The following ERRFI1 variants were observed in gnomAD, a reference collection of about 807,000 sequenced individuals.
The protein encoded by ERRFI1 is mitogen-inducible gene 6 protein.
ERRFI1 carries 12 observed loss-of-function variants against 14.6 expected under a neutral mutation model. The observed-to-expected ratio is 0.82, with a 90% CI of 0.53 to 1.33. ERRFI1 has a LOEUF of 1.33. Ranked by LOEUF, ERRFI1 falls within the 40% of genes most tolerant of loss-of-function variation. The pLI is 0.00. For missense variants in ERRFI1, 482 were observed against 572.1 expected (o/e 0.84, Z 1.61); for synonymous variants, 202 against 209.9 (o/e 0.96, Z 0.32).
Position 8,013,139 on chromosome 1 carries a change from A to T in ERRFI1, c.*71T>A. The T allele has an allele frequency of 7.6e-7, 1 of 1,322,472 alleles. No homozygotes were observed. The highest frequency in any genetic ancestry group is 1.0e-6 in the Non-Finnish European group (1 of 958,796). The allele number at this position is 1,322,472 out of a possible 1,614,324, so 81.9% of individuals were successfully genotyped here. A position where few individuals can be genotyped will look rare whatever the true frequency, so the allele number is the denominator to read the frequency against. On this transcript the variant is annotated 3_prime_UTR_variant, in exon 4 of 4. Coordinates refer to ENST00000377482, the MANE Select transcript of ERRFI1 (RefSeq NM_018948.4). The surrounding 1 kb of genome is among the most constrained non-coding windows in gnomAD (Gnocchi z 4.3). ...TGCAATCTAAGGGATTTTTCTCTGCACTTCAATCAAACTGGAAAATTGAGA... is the reference window on the plus strand; with the variant it reads ...TGCAATCTAAGGGATTTTTCTCTGCTCTTCAATCAAACTGGAAAATTGAGA...
In ERRFI1 at chr1:8,015,750, G is replaced by A. The variant is rs1344502913; in HGVS notation, c.-73-58C>T. Reference sequence around the variant, plus strand: ...AACAATTCAGAAATACCTCCATTAGGACAGTCTAAATTACAGCAAAGCTAA... The same window carrying A: ...AACAATTCAGAAATACCTCCATTAGAACAGTCTAAATTACAGCAAAGCTAA... On this transcript the variant is annotated intron_variant, in intron 1 of 3. Transcript: ENST00000377482. The A allele has an allele frequency of 3.5e-6, 4 of 1,151,270 alleles. No individual in the cohort carries two copies. In the East Asian group the frequency reaches 7.2e-5, roughly 21 times the overall value. The allele number at this position is 1,151,270 out of a possible 1,614,324, so 71.3% of individuals were successfully genotyped here.
intron 1 of ERRFI1, among the ~76,000 whole-genome samples, chr1:8,018,343 C>G (rs1641216739): frequency 8.5e-6 from 1 of 117,038 alleles, no homozygotes; most frequent in Admixed American, 1.3e-4. Context: ...TAAAAACCTT[C>G]TAGTATTCAG....
chr1:8,023,502 C>T (rs894399376), intron 1 of ERRFI1, among the ~76,000 whole-genome samples: 6 of 152,146 alleles, frequency 3.9e-5, no homozygotes, highest in African/African-American at 1.4e-4. Flanking sequence ...TGGTCTCATA[C>T]TCTTGGGCTC....
rs141055385 is a variant in ERRFI1, at chr1:8,022,269, C to T, written c.-74+3889G>A. The stretch of plus-strand genomic sequence containing the variant: ...CATATAACACAAGTCTGTTTTTACT[C>T]GTAATAAGCGGTTACTACATATACC... On this transcript the variant is annotated intron_variant, in intron 1 of 3. Transcript: ENST00000377482. 3.4e-4 allele frequency among the ~76,000 whole-genome samples: 52 copies of T among 152,292 alleles called. No homozygotes were observed. The Middle Eastern group carries it at 0.014, about 40-fold the overall frequency.
intron 1 of ERRFI1, among the ~76,000 whole-genome samples, chr1:8,020,552 A>ATTTTTTT (rs36053481): frequency 1.5e-5 from 2 of 134,176 alleles, no homozygotes; most frequent in African/African-American, 5.6e-5. Context: ...AAAAACACCA[A>ATTTTTTT]TTTTTTTTTT....
intron 1 of ERRFI1, among the ~76,000 whole-genome samples, chr1:8,016,905 T>C (rs1641182971): frequency 6.6e-6 from 1 of 151,616 alleles, no homozygotes; most frequent in Non-Finnish European, 1.5e-5. Flanking sequence ...ACACAGGTTT[T>C]TTTTTTTGTT....
At chr1:8,014,445 C>T (rs1293196717) in intron 3 of ERRFI1, 49 bp from the exon 4 acceptor site, 3 of 1,485,538 alleles carry the variant, frequency 2.0e-6, no homozygotes, top group African/African-American at 1.4e-5. Context: ...CCTCTCTCCA[C>T]CTGTGTGAGG....
rs746627277 is a variant in ERRFI1 at position 8,013,583 on chromosome 1, G to C, written c.1016C>G (p.Pro339Arg). Reference protein sequence around the residue: ...NSRTPSPKSLPSYLNGVMPPT... With the variant: ...NSRTPSPKSLRSYLNGVMPPT... ...GGGCATGACCCCATTGAGGTAAGAC[G>C]GAAGGCTTTTGGGACTCGGTGTGCG... The change falls in exon 4 of 4, where the codon CCG (proline) becomes CGG (arginine). Residue 339 changes from proline to arginine, a missense_variant. Transcript: ENST00000377482. The surrounding 1 kb of genome is among the most constrained non-coding windows in gnomAD (Gnocchi z 4.3). The C allele has an allele frequency of 2.5e-6, 4 of 1,614,142 alleles. No homozygotes were observed. Among genetic ancestry groups the C allele is most frequent in the Admixed American group, 3.3e-5 (2 of 60,020 alleles).
At chr1:8,014,531 A>C (rs1045603534) in intron 3 of ERRFI1, 135 bp from the exon 4 acceptor site, 1 of 760,310 alleles carries the variant, frequency 1.3e-6, no homozygotes, top group Non-Finnish European at 2.1e-6. Flanking sequence ...CACCCCGAGA[A>C]CACCCATGCA....
chr1:8,014,608 T>C, intron 3 of ERRFI1: 1 of 545,260 alleles, frequency 1.8e-6, no homozygotes, highest in East Asian at 3.1e-5. Context: ...AAGAACAAAC[T>C]ATCTCCTCTA....
chr1:8,012,634 C>T lies in ERRFI1; in HGVS notation c.*576G>A, dbSNP rs1343911061. The T allele has an allele frequency of 2.2e-5, 5 of 228,620 alleles. No homozygotes were observed. Among genetic ancestry groups the T allele is most frequent in the Middle Eastern group, 1.3e-3 (1 of 784 alleles). 14.2% of individuals were successfully genotyped at this position (228,620 alleles called of 1,614,324 possible). On this transcript the variant is annotated 3_prime_UTR_variant, in exon 4 of 4. Coordinates refer to ENST00000377482, the MANE Select transcript of ERRFI1 (RefSeq NM_018948.4). ...ATGATTTTTAACCTAAGCAGGTACA[C>T]CCATGGTAAAGAATGGATACCCTGC... is the stretch of plus-strand genomic sequence containing the variant.
At chr1:8,021,034 G>C (rs1327697097) in intron 1 of ERRFI1, among the ~76,000 whole-genome samples, 1 of 152,144 alleles carries the variant, frequency 6.6e-6, no homozygotes, top group Non-Finnish European at 1.5e-5. Context: ...ATGAATTCAA[G>C]AAAAGCTTGA....
At chr1:8,019,316 T>G (rs1372651575) in intron 1 of ERRFI1, among the ~76,000 whole-genome samples, 1 of 152,212 alleles carries the variant, frequency 6.6e-6, no homozygotes, top group Non-Finnish European at 1.5e-5. Flanking sequence ...AATCTATATT[T>G]TCAAGCGCGC....
chr1:8,016,910 TTTG>T (rs1641183222), intron 1 of ERRFI1, among the ~76,000 whole-genome samples: 1 of 151,644 alleles, frequency 6.6e-6, no homozygotes, highest in South Asian at 2.1e-4. Flanking sequence ...GGTTTTTTTT[TTTG>T]TTTTTTTTTT....
At chr1:8,016,183 G>C (rs1219868432) in intron 1 of ERRFI1, among the ~76,000 whole-genome samples, 1 of 152,216 alleles carries the variant, frequency 6.6e-6, no homozygotes, top group Non-Finnish European at 1.5e-5. Flanking sequence ...AACTAAGCAA[G>C]AGTTTCTACA....
chr1:8,016,487 A>G (rs750455866), intron 1 of ERRFI1, among the ~76,000 whole-genome samples: 3 of 152,226 alleles, frequency 2.0e-5, no homozygotes, highest in Non-Finnish European at 2.9e-5. Flanking sequence ...CAAGGCATGG[A>G]TAACAAAATA....
Position 8,020,074 on chromosome 1 carries a change from TAAAA to T in ERRFI1, c.-73-4386_-73-4383del, listed in dbSNP as rs539364101. Among the ~76,000 whole-genome samples the T allele has an allele frequency of 4.8e-3, 621 of 129,596 alleles. 1 individual carries two copies. Among genetic ancestry groups the T allele is most frequent in the Non-Finnish European group, 8.4e-3 (500 of 59,728 alleles). 85.0% of individuals were successfully genotyped at this position (129,596 alleles called of 152,430 possible). A position where few individuals can be genotyped will look rare whatever the true frequency, so the allele number is the denominator to read the frequency against. On this transcript the variant is annotated intron_variant, in intron 1 of 3. Transcript: ENST00000377482. ...TGAGGACAGTCTCTTTGAAACTGCT[TAAAA>T]AAAAAAAAAAAAGAAAAATGCAGGC...
chr1:8,014,983 G>A (rs1440708242), intron 3 of ERRFI1: 1 of 293,670 alleles, frequency 3.4e-6, no homozygotes, highest in East Asian at 5.7e-5. Context: ...TTCGATACTA[G>A]TAAGAAAGGT....
intron 1 of ERRFI1, among the ~76,000 whole-genome samples, chr1:8,024,696 C>T (rs1641320228): frequency 6.6e-6 from 1 of 152,150 alleles, no homozygotes; most frequent in African/African-American, 2.4e-5. Context: ...GAAGTCCATG[C>T]TAAATCCTTT....
Sources: allele counts gnomAD v4.1 joint callset (sites outside exome capture counted in the v4.1 genomes callset), GRCh38; gene constraint gnomAD v4.1.1; non-coding constraint Gnocchi (gnomAD v3.1); transcripts MANE v1.5; gene names NCBI Gene and HGNC (gene_info 2026-07-23, HGNC 2026-07-21).